ZBTB42: variants seen among roughly 807,000 people sequenced by gnomAD.
ZBTB42 encodes zinc finger and BTB domain containing 42.
In ZBTB42, 3 loss-of-function variants were observed where a neutral mutation model predicts 4.7. The ratio of observed to expected loss-of-function variants is 0.64; its 90% CI spans 0.29 to 1.66. The LOEUF (loss-of-function observed/expected upper bound fraction) is 1.66, where lower values mean the gene tolerates loss of function less well. ZBTB42 is among the 40% of genes most tolerant of loss of function. The pLI, the probability that ZBTB42 is intolerant of heterozygous loss-of-function variation, is 0.10. For synonymous variants in ZBTB42, 255 were observed against 259.5 expected (o/e 0.98, Z 0.17); for missense variants, 521 against 577.1 (o/e 0.90, Z 1.00).
At position 104,801,633 on chromosome 14, in the gene ZBTB42, T is replaced by C. The variant is rs1894044169; in HGVS notation, c.436T>C (p.Trp146Arg). The change falls in exon 1 of 1, where the codon TGG (tryptophan) becomes CGG (arginine). Residue 146 changes from tryptophan to arginine, a missense_variant. Transcript: ENST00000342537. This position sits in a 1 kb window ranked among gnomAD's most constrained non-coding sequence, Gnocchi z 4.4. ...PAQPPCPWPV[W>R]TADLCPAARK... ...TCAGCCACCGTGCCCCTGGCCTGTC[T>C]GGACCGCGGACCTCTGCCCAGCTGC... 6.5e-7 allele frequency: 1 copy of C among 1,550,204 alleles called. No individual in the cohort carries two copies. Among genetic ancestry groups the C allele is most frequent in the Non-Finnish European group, 8.7e-7 (1 of 1,146,886 alleles).
Position 104,802,474 on chromosome 14 carries a change from C to A in ZBTB42, c.*8C>A. The A allele has an allele frequency of 6.5e-7, 1 of 1,544,608 alleles. No homozygotes were observed. Among genetic ancestry groups the A allele is most frequent in the Non-Finnish European group, 8.7e-7 (1 of 1,143,056 alleles). ...AAGTCCCTTCTGGTGTGATGCATCC[C>A]TGTGGGTCCTGAGGGTGGGGTGGAA... On this transcript the variant is annotated 3_prime_UTR_variant, in exon 1 of 1. Coordinates refer to ENST00000342537, the MANE Select transcript of ZBTB42 (RefSeq NM_001137601.3). This position sits in a 1 kb window ranked among gnomAD's most constrained non-coding sequence, Gnocchi z 5.9.
At position 104,801,327 on chromosome 14, in the gene ZBTB42, G is replaced by C; in HGVS notation, c.130G>C (p.Ala44Pro). Reference protein sequence around the residue: ...RFPAHRAVLAACSVYFHLFYR... With the variant: ...RFPAHRAVLAPCSVYFHLFYR... ...CCCGGCCCACCGTGCCGTGCTGGCC[G>C]CGTGCAGCGTCTACTTCCATCTCTT... The change falls in exon 1 of 1, where the codon GCG becomes CCG. Residue 44 changes from alanine (A) to proline (P), a missense_variant. Coordinates refer to ENST00000342537, the MANE Select transcript of ZBTB42 (RefSeq NM_001137601.3). This position sits in a 1 kb window ranked among gnomAD's most constrained non-coding sequence, Gnocchi z 4.4. 1.9e-6 allele frequency: 3 copies of C among 1,547,866 alleles called. No homozygotes were observed. Among genetic ancestry groups the C allele is most frequent in the Non-Finnish European group, 2.6e-6 (3 of 1,146,194 alleles).
rs1381269821 is a variant in ZBTB42 at position 104,803,074 on chromosome 14, G to A, written c.*608G>A. The stretch of plus-strand genomic sequence containing the variant: ...GGGCACAGCTGGTGTCTCGGGGTGG[G>A]GGGGGGGGTGCAGCCCCAGCAGGGA... On this transcript the variant is annotated 3_prime_UTR_variant, in exon 1 of 1. Coordinates refer to ENST00000342537, the MANE Select transcript of ZBTB42 (RefSeq NM_001137601.3). 6.6e-6 allele frequency: 1 copy of A among 150,386 alleles called. No individual in the cohort carries two copies. Among genetic ancestry groups the A allele is most frequent in the Admixed American group, 7.1e-5 (1 of 14,048 alleles). 9.3% of individuals were successfully genotyped at this position (150,386 alleles called of 1,614,324 possible). A position where few individuals can be genotyped will look rare whatever the true frequency, so the allele number is the denominator to read the frequency against.
rs1894038770 is a variant in ZBTB42 at position 104,801,371 on chromosome 14, G to T, written c.174G>T (p.Ala58=). 2 of 1,547,006 alleles carry T rather than the reference G, an allele frequency of 1.3e-6. No individual in the cohort carries two copies. Among genetic ancestry groups the T allele is most frequent in the South Asian group, 1.2e-5 (1 of 83,798 alleles). ...ATCTCTTCTACAGGGACCGGCCCGC[G>T]GGCAGTCGCGACACGGTGCGGCTCA... ...YFHLFYRDRP[A]GSRDTVRLNG... Residue 58 remains alanine, a synonymous_variant, in exon 1 of 1, where the codon GCG becomes GCT. Coordinates refer to ENST00000342537, the MANE Select transcript of ZBTB42 (RefSeq NM_001137601.3). This position sits in a 1 kb window ranked among gnomAD's most constrained non-coding sequence, Gnocchi z 4.4.
upstream of ZBTB42, chr14:104,801,097 C>G: frequency 7.3e-7 from 1 of 1,360,858 alleles, no homozygotes; most frequent in South Asian, 1.7e-5. The surrounding 1 kb of genome is among the most constrained non-coding windows in gnomAD (Gnocchi z 4.4). Flanking sequence ...ACTCCCGCGC[C>G]GCTCTTTCCG....
upstream of ZBTB42, chr14:104,800,599 TC>T (rs1464843178): frequency 6.9e-6 from 1 of 145,552 alleles, no homozygotes; most frequent in Non-Finnish European, 1.5e-5. The surrounding 1 kb of genome is among the most constrained non-coding windows in gnomAD (Gnocchi z 5.3). Context: ...CCCCGCGCCC[TC>T]CCCGCCGGGG....
At chr14:104,800,556 G>A (rs1894015035), upstream of ZBTB42, 1 of 148,926 alleles carries the variant, frequency 6.7e-6, no homozygotes, top group Non-Finnish European at 1.5e-5. This position sits in a 1 kb window ranked among gnomAD's most constrained non-coding sequence, Gnocchi z 5.3. Flanking sequence ...GGCCAGCCAA[G>A]TTGGAGCGCG....
At position 104,801,141 on chromosome 14, in the gene ZBTB42, C is replaced by T. The variant is rs571909528; in HGVS notation, c.-57C>T. 2.9e-6 allele frequency: 4 copies of T among 1,377,676 alleles called. No individual in the cohort carries two copies. The South Asian group carries it at 6.7e-5, about 23-fold the overall frequency. 85.3% of individuals were successfully genotyped at this position (1,377,676 alleles called of 1,614,324 possible). A position where few individuals can be genotyped will look rare whatever the true frequency, so the allele number is the denominator to read the frequency against. ...GCAGCCGGGAAGGGCGCTTCGTGGG[C>T]GCCTCCAGGCGCGCTGACGGGCGTC... On this transcript the variant is annotated 5_prime_UTR_variant, in exon 1 of 1. Coordinates refer to ENST00000342537, the MANE Select transcript of ZBTB42 (RefSeq NM_001137601.3). The surrounding 1 kb of genome is among the most constrained non-coding windows in gnomAD (Gnocchi z 4.4).
rs948815032 is a variant in ZBTB42 at position 104,802,009 on chromosome 14, G to A, written c.812G>A (p.Ser271Asn). 7.0e-5 allele frequency: 105 copies of A among 1,496,012 alleles called. No individual in the cohort carries two copies. Among genetic ancestry groups the A allele is most frequent in the Non-Finnish European group, 9.2e-5 (103 of 1,123,054 alleles). The allele number at this position is 1,496,012 out of a possible 1,614,324, so 92.7% of individuals were successfully genotyped here. A position where few individuals can be genotyped will look rare whatever the true frequency, so the allele number is the denominator to read the frequency against. The change falls in exon 1 of 1, where the codon AGC becomes AAC. Residue 271 changes from serine to asparagine, a missense_variant. By Grantham distance (46) the Ser-to-Asn change is conservative. Transcript: ENST00000342537. This position sits in a 1 kb window ranked among gnomAD's most constrained non-coding sequence, Gnocchi z 5.9. ...CCGCTGCCCCTCAGCGGAGAGGGCA[G>A]CCGGGAGCTGGAGCTTGGTGCAGGG... Reference protein sequence around the residue: ...LQPLPLSGEGSRELELGAGRL... With the variant: ...LQPLPLSGEGNRELELGAGRL...
Position 104,801,168 on chromosome 14 carries a change from C to T in ZBTB42, c.-30C>T. 1.4e-6 allele frequency: 2 copies of T among 1,386,768 alleles called. No individual in the cohort carries two copies. Among genetic ancestry groups the T allele is most frequent in the African/African-American group, 1.5e-5 (1 of 65,392 alleles). The allele number at this position is 1,386,768 out of a possible 1,614,324, so 85.9% of individuals were successfully genotyped here. A position where few individuals can be genotyped will look rare whatever the true frequency, so the allele number is the denominator to read the frequency against. On this transcript the variant is annotated 5_prime_UTR_variant, in exon 1 of 1. Transcript: ENST00000342537. This position sits in a 1 kb window ranked among gnomAD's most constrained non-coding sequence, Gnocchi z 4.4. ...CCTCCAGGCGCGCTGACGGGCGTCC[C>T]GTTTGTGCCCAGGTGATGACGGCGG...
At position 104,802,573 on chromosome 14, in the gene ZBTB42, G is replaced by A. The variant is rs1894073206; in HGVS notation, c.*107G>A. On this transcript the variant is annotated 3_prime_UTR_variant, in exon 1 of 1. Coordinates refer to ENST00000342537, the MANE Select transcript of ZBTB42 (RefSeq NM_001137601.3). The surrounding 1 kb of genome is among the most constrained non-coding windows in gnomAD (Gnocchi z 5.9). Reference sequence around the variant, plus strand: ...CTGACCAGGTGGAGGTCCCTGCTTGGGCCAGATGGCTCCACCCTCCTGGCA... The same window carrying A: ...CTGACCAGGTGGAGGTCCCTGCTTGAGCCAGATGGCTCCACCCTCCTGGCA... 1.4e-6 allele frequency: 2 copies of A among 1,431,104 alleles called. No homozygotes were observed. The highest frequency in any genetic ancestry group is 1.9e-6 in the Non-Finnish European group (2 of 1,075,802). The allele number at this position is 1,431,104 out of a possible 1,614,324, so 88.7% of individuals were successfully genotyped here.
chr14:104,801,814 TC>T lies in ZBTB42; in HGVS notation c.619del (p.Leu207SerfsTer17). The T allele has an allele frequency of 6.5e-7, 1 of 1,550,044 alleles. No homozygotes were observed. Among genetic ancestry groups the T allele is most frequent in the Non-Finnish European group, 8.7e-7 (1 of 1,146,828 alleles). ...PRQERVHPPC[V>X]LQTPLCSQRQ... ...CAGGAGCGGGTCCACCCACCGTGCG[TC>T]CTCCAGACACCCCTCTGCAGCCAGA... On this transcript the variant is annotated frameshift_variant, in exon 1 of 1. Transcript: ENST00000342537. LOFTEE classifies it low-confidence loss of function (END_TRUNC). The surrounding 1 kb of genome is among the most constrained non-coding windows in gnomAD (Gnocchi z 4.4).
rs1449928819 is a variant in ZBTB42 at position 104,801,440 on chromosome 14, C to T, written c.243C>T (p.Asp81=). ...VTAPAFGRLL[D]FMYEGRLDLR... ...CGCCCGCCTTCGGCCGCCTACTGGA[C>T]TTCATGTACGAGGGCCGCCTGGACC... is the stretch of plus-strand genomic sequence containing the variant. The change falls in exon 1 of 1, where the codon GAC becomes GAT. Residue 81 remains aspartate, a synonymous_variant. Coordinates refer to ENST00000342537, the MANE Select transcript of ZBTB42 (RefSeq NM_001137601.3). This position sits in a 1 kb window ranked among gnomAD's most constrained non-coding sequence, Gnocchi z 4.4. 2 of 1,549,862 alleles carry T rather than the reference C, an allele frequency of 1.3e-6. No homozygotes were observed. Among genetic ancestry groups the T allele is most frequent in the African/African-American group, 1.4e-5 (1 of 73,062 alleles).
At position 104,802,315 on chromosome 14, in the gene ZBTB42, A is replaced by C; in HGVS notation, c.1118A>C (p.Tyr373Ser). ...TCVQCGKSFQ[Y>S]SHNLSRHTVV... ...GTGCAGTGTGGCAAAAGTTTTCAGT[A>C]CTCCCACAACCTGAGCCGGCACACC... Residue 373 changes from tyrosine to serine, a missense_variant, in exon 1 of 1, where the codon TAC (tyrosine) becomes TCC (serine). Transcript: ENST00000342537. The surrounding 1 kb of genome is among the most constrained non-coding windows in gnomAD (Gnocchi z 5.9). The C allele has an allele frequency of 6.5e-7, 1 of 1,550,186 alleles. No homozygotes were observed. Among genetic ancestry groups the C allele is most frequent in the Non-Finnish European group, 8.7e-7 (1 of 1,146,954 alleles).
Position 104,802,491 on chromosome 14 carries a change from G to A in ZBTB42, c.*25G>A. The A allele has an allele frequency of 1.3e-6, 2 of 1,535,040 alleles. No individual in the cohort carries two copies. The highest frequency in any genetic ancestry group is 1.4e-5 in the African/African-American group (1 of 72,982). On this transcript the variant is annotated 3_prime_UTR_variant, in exon 1 of 1. Coordinates refer to ENST00000342537, the MANE Select transcript of ZBTB42 (RefSeq NM_001137601.3). This position sits in a 1 kb window ranked among gnomAD's most constrained non-coding sequence, Gnocchi z 5.9. ...ATGCATCCCTGTGGGTCCTGAGGGTGGGGTGGAAGGGAAGGGATGGGCCCT... is the reference window on the plus strand; with the variant it reads ...ATGCATCCCTGTGGGTCCTGAGGGTAGGGTGGAAGGGAAGGGATGGGCCCT...
rs1322696638 is a variant in ZBTB42 at position 104,801,338 on chromosome 14, C to T, written c.141C>T (p.Val47=). 1 of 1,548,514 alleles carries T rather than the reference C, an allele frequency of 6.5e-7. No homozygotes were observed. The highest frequency in any genetic ancestry group is 2.0e-5 in the Admixed American group (1 of 50,900). Residue 47 remains valine (V), a synonymous_variant, in exon 1 of 1, where the codon GTC becomes GTT. Transcript: ENST00000342537. The surrounding 1 kb of genome is among the most constrained non-coding windows in gnomAD (Gnocchi z 4.4). ...AHRAVLAACS[V]YFHLFYRDRP... is the part of the protein sequence containing the mutation. ...GTGCCGTGCTGGCCGCGTGCAGCGT[C>T]TACTTCCATCTCTTCTACAGGGACC...
Position 104,801,169 on chromosome 14 carries a change from G to A in ZBTB42, c.-29G>A. 21 of 1,389,308 alleles carry A rather than the reference G, an allele frequency of 1.5e-5. No individual in the cohort carries two copies. Among genetic ancestry groups the A allele is most frequent in the Non-Finnish European group, 1.9e-5 (20 of 1,077,186 alleles). The allele number at this position is 1,389,308 out of a possible 1,614,324, so 86.1% of individuals were successfully genotyped here. A position where few individuals can be genotyped will look rare whatever the true frequency, so the allele number is the denominator to read the frequency against. On this transcript the variant is annotated 5_prime_UTR_variant, in exon 1 of 1. Coordinates refer to ENST00000342537, the MANE Select transcript of ZBTB42 (RefSeq NM_001137601.3). This position sits in a 1 kb window ranked among gnomAD's most constrained non-coding sequence, Gnocchi z 4.4. ...CTCCAGGCGCGCTGACGGGCGTCCC[G>A]TTTGTGCCCAGGTGATGACGGCGGC...
In ZBTB42 at chr14:104,801,839, G is replaced by C. The variant is rs1188046641; in HGVS notation, c.642G>C (p.Gln214His). The C allele has an allele frequency of 6.5e-7, 1 of 1,550,154 alleles. No individual in the cohort carries two copies. Among genetic ancestry groups the C allele is most frequent in the Admixed American group, 2.0e-5 (1 of 51,000 alleles). The change falls in exon 1 of 1, where the codon CAG becomes CAC. Residue 214 changes from glutamine to histidine, a missense_variant. Transcript: ENST00000342537. This position sits in a 1 kb window ranked among gnomAD's most constrained non-coding sequence, Gnocchi z 4.4. ...TCCTCCAGACACCCCTCTGCAGCCA[G>C]AGGCAGCCAGGGGCCCAGCCACTGG... The part of the protein sequence containing the change: ...PCVLQTPLCS[Q>H]RQPGAQPLVK...
rs752247402 is a variant in ZBTB42 at position 104,802,023 on chromosome 14, C to T, written c.826C>T (p.Leu276Phe). Residue 276 changes from leucine (L) to phenylalanine (F), a missense_variant, in exon 1 of 1, where the codon CTT (leucine) becomes TTT (phenylalanine). Leu to Phe is a conservative substitution (Grantham distance 22). Coordinates refer to ENST00000342537, the MANE Select transcript of ZBTB42 (RefSeq NM_001137601.3). The surrounding 1 kb of genome is among the most constrained non-coding windows in gnomAD (Gnocchi z 5.9). ...CGGAGAGGGCAGCCGGGAGCTGGAG[C>T]TTGGTGCAGGGCGACTGGCGAGTGA... ...LSGEGSRELE[L>F]GAGRLASEDE... The T allele has an allele frequency of 2.5e-5, 37 of 1,493,668 alleles. No individual in the cohort carries two copies. The African/African-American group carries it at 4.9e-4, about 20-fold the overall frequency. The allele number at this position is 1,493,668 out of a possible 1,614,324, so 92.5% of individuals were successfully genotyped here. A position where few individuals can be genotyped will look rare whatever the true frequency, so the allele number is the denominator to read the frequency against.
Sources: allele counts gnomAD v4.1 joint callset, GRCh38; gene constraint gnomAD v4.1.1; non-coding constraint Gnocchi (gnomAD v3.1); transcripts MANE v1.5; gene names NCBI Gene and HGNC (gene_info 2026-07-23, HGNC 2026-07-21).